Variants in PARP8 observed in about 807,000 individuals in gnomAD.
PARP8 encodes the protein poly(ADP-ribose) polymerase family member 8.
Under a neutral mutation model 124.1 loss-of-function variants are expected in PARP8, and 51 were observed. The observed-to-expected ratio is 0.41, with a 90% CI of 0.33 to 0.52. PARP8 has a LOEUF of 0.52. Ranked by LOEUF, PARP8 falls within the 20% of genes least tolerant of loss-of-function variation. The pLI is 0.21. For missense variants in PARP8, 860 were observed against 1,018.9 expected (o/e 0.84, Z 2.12); for synonymous variants, 391 against 361.5 (o/e 1.08, Z -0.93).
intron 7 of PARP8, among the ~76,000 whole-genome samples, chr5:50,765,295 T>C (rs1760954155): frequency 6.6e-6 from 1 of 152,092 alleles, no homozygotes; most frequent in South Asian, 2.1e-4. Flanking sequence ...TTTTGTTTAG[T>C]GGACAACTTT....
chr5:50,733,804 C>A (rs1368493107), intron 2 of PARP8, among the ~76,000 whole-genome samples: 1 of 152,038 alleles, frequency 6.6e-6, no homozygotes, highest in Non-Finnish European at 1.5e-5. Flanking sequence ...TTCCTTCTTA[C>A]CAAGCCAGAT....
At chr5:50,814,513 C>T (rs1377666531) in intron 14 of PARP8, among the ~76,000 whole-genome samples, 2 of 151,746 alleles carry the variant, frequency 1.3e-5, no homozygotes, top group South Asian at 4.1e-4. Flanking sequence ...CATTTTTTTT[C>T]CCTAAAATTC....
Position 50,666,903 on chromosome 5 carries a change from C to CCT in PARP8, c.-192_-191insTC, listed in dbSNP as rs1749340744. Reference sequence around the variant, plus strand: ...ATCTGGGAATGCAAAGCCGACCTCCCCCTCCTCCTCCTCCTCCCCCTCCTC... The same window carrying CCT: ...ATCTGGGAATGCAAAGCCGACCTCCCCTCCTCCTCCTCCTCCTCCCCCTCCTC... On this transcript the variant is annotated 5_prime_UTR_variant, in exon 1 of 26. An upstream open reading frame in the 5' UTR loses its in-frame stop. Transcript: ENST00000281631. 12 of 1,073,246 alleles carry CCT rather than the reference C, an allele frequency of 1.1e-5. No homozygotes were observed. The highest frequency in any genetic ancestry group is 1.3e-4 in the East Asian group (2 of 15,848). The allele number at this position is 1,073,246 out of a possible 1,614,324, so 66.5% of individuals were successfully genotyped here.
At chr5:50,763,406 AT>A in intron 7 of PARP8, 164 bp downstream of exon 7, 13 of 569,862 alleles carry the variant, frequency 2.3e-5, no homozygotes, top group East Asian at 5.8e-5. Context: ...ATTTATGGCT[AT>A]TTTTTTGATA....
chr5:50,761,071 T>G (rs1760492458), intron 5 of PARP8, among the ~76,000 whole-genome samples: 1 of 152,114 alleles, frequency 6.6e-6, no homozygotes, highest in Non-Finnish European at 1.5e-5. Flanking sequence ...TTTTTTTGTT[T>G]GTTTTCCTTA....
intron 25 of PARP8, among the ~76,000 whole-genome samples, chr5:50,839,855 T>C (rs1747985393): frequency 6.6e-6 from 1 of 151,888 alleles, no homozygotes. Context: ...AATATTTGGG[T>C]AGACAAACCC....
intron 14 of PARP8, among the ~76,000 whole-genome samples, chr5:50,807,579 T>C (rs568752138): frequency 6.6e-6 from 1 of 152,268 alleles, no homozygotes; most frequent in South Asian, 2.1e-4. Context: ...CAAGGACTTA[T>C]TGTCAGAAAT....
intron 16 of PARP8, 61 bp from the exon 17 acceptor site, chr5:50,822,274 A>T (rs1745845321): frequency 8.7e-7 from 1 of 1,151,800 alleles, no homozygotes; most frequent in South Asian, 1.2e-5. Flanking sequence ...CTAGTGATAT[A>T]CAGACTTGCA....
chr5:50,742,304 TCA>T (rs1758131806), intron 2 of PARP8, among the ~76,000 whole-genome samples: 1 of 152,234 alleles, frequency 6.6e-6, no homozygotes, highest in African/African-American at 2.4e-5. Context: ...TTTTCCCCAC[TCA>T]CATAGTTACA....
chr5:50,755,839 T>G (rs970647411), intron 3 of PARP8, among the ~76,000 whole-genome samples: 1 of 152,350 alleles, frequency 6.6e-6, no homozygotes, highest in East Asian at 1.9e-4. Context: ...CATTTGTTTG[T>G]ATCCTCTTTT....
At chr5:50,737,524 A>G (rs116324498) in intron 2 of PARP8, among the ~76,000 whole-genome samples, 18 of 152,300 alleles carry the variant, frequency 1.2e-4, no homozygotes, top group Middle Eastern at 3.4e-3. Context: ...AGAATTAAAT[A>G]TAGCTTAAAA....
chr5:50,694,806 A>G (rs1752848563), intron 2 of PARP8, among the ~76,000 whole-genome samples: 1 of 151,668 alleles, frequency 6.6e-6, no homozygotes, highest in South Asian at 2.1e-4. Context: ...AAACCTCAGA[A>G]GTAAGGAAGC....
At chr5:50,830,308 C>T (rs1746806358) in intron 22 of PARP8, among the ~76,000 whole-genome samples, 1 of 152,034 alleles carries the variant, frequency 6.6e-6, no homozygotes, top group Admixed American at 6.6e-5. Flanking sequence ...CTATATCATG[C>T]TAATTTCTTA....
At chr5:50,729,838 G>C (rs1468087937) in intron 2 of PARP8, among the ~76,000 whole-genome samples, 1 of 152,048 alleles carries the variant, frequency 6.6e-6, no homozygotes, top group Non-Finnish European at 1.5e-5. Flanking sequence ...GTTTTAAAAG[G>C]AAAAAAGTAT....
intron 14 of PARP8, among the ~76,000 whole-genome samples, chr5:50,798,584 C>A (rs1028074102): frequency 5.3e-5 from 8 of 151,926 alleles, no homozygotes; most frequent in African/African-American, 1.9e-4. Context: ...CCACGCCCGG[C>A]TGATTTTTTG....
In PARP8 at chr5:50,815,531, A is replaced by G. The variant is rs750811563; in HGVS notation, c.1668+7A>G. 160 of 1,562,448 alleles carry G rather than the reference A, an allele frequency of 1.0e-4. No individual in the cohort carries two copies. The South Asian group carries it at 1.6e-3, about 15-fold the overall frequency. ...AATAGCAACTGGAGCTCAGGTAGTA[A>G]CACAGGATACTAATTATTTCTTATT... On this transcript the variant is annotated splice_region_variant and intron_variant, in intron 15 of 25. Coordinates refer to ENST00000281631, the MANE Select transcript of PARP8 (RefSeq NM_024615.4).
intron 19 of PARP8, among the ~76,000 whole-genome samples, chr5:50,827,502 CATA>C (rs1746478189): frequency 6.6e-6 from 1 of 152,164 alleles, no homozygotes; most frequent in East Asian, 1.9e-4. Flanking sequence ...GCAAATAAAG[CATA>C]ATAATAATTT....
chr5:50,840,097 G>A (rs1432578984), intron 25 of PARP8, among the ~76,000 whole-genome samples: 4 of 151,794 alleles, frequency 2.6e-5, no homozygotes, highest in Non-Finnish European at 5.9e-5. Flanking sequence ...CAACATTCTA[G>A]GTCAGTTTTT....
intron 2 of PARP8, among the ~76,000 whole-genome samples, chr5:50,689,032 A>ATTTTTTTTTTTTTTT (rs67863550): frequency 1.8e-5 from 2 of 111,276 alleles, no homozygotes; most frequent in African/African-American, 3.2e-5. Flanking sequence ...TTTTTTTTTG[A>ATTTTTTTTTTTTTTT]TTTTTTTTTT....
Sources: allele counts gnomAD v4.1 joint callset (sites outside exome capture counted in the v4.1 genomes callset), GRCh38; gene constraint gnomAD v4.1.1; transcripts MANE v1.5; gene names NCBI Gene and HGNC (gene_info 2026-07-23, HGNC 2026-07-21).